Variants in SOX5 observed in about 807,000 individuals in gnomAD.
The protein encoded by SOX5 is transcription factor SOX-5.
In SOX5, 9 loss-of-function variants were observed where a neutral mutation model predicts 92.0. The ratio of observed to expected loss-of-function variants is 0.10; its 90% CI spans 0.06 to 0.17. SOX5 has a LOEUF of 0.17. Among genes scored for constraint, SOX5 ranks in the 10% least tolerant of loss-of-function variants. SOX5 has a pLI of 1.00. For synonymous variants in SOX5, 344 were observed against 336.3 expected (o/e 1.02, Z -0.25); for missense variants, 642 against 944.5 (o/e 0.68, Z 4.20).
At chr12:23,917,617 G>A (rs1039028128) in intron 1 of SOX5, among the ~76,000 whole-genome samples, 1 of 152,092 alleles carries the variant, frequency 6.6e-6, no homozygotes. Context: ...ATGGCATTTT[G>A]CTTGCTTCAA....
chr12:23,579,550 A>G (rs1949755396), intron 9 of SOX5, among the ~76,000 whole-genome samples: 1 of 152,170 alleles, frequency 6.6e-6, no homozygotes, highest in African/African-American at 2.4e-5. Context: ...CCCATTTTCT[A>G]TTAATTATTT....
At chr12:23,906,955 T>A (rs1385145091) in intron 1 of SOX5, among the ~76,000 whole-genome samples, 1 of 147,932 alleles carries the variant, frequency 6.8e-6, no homozygotes, top group Admixed American at 6.8e-5. Flanking sequence ...AAAAAAAAAA[T>A]ACTGTGTGAA....
chr12:24,090,476 A>T (rs180715472), intron 4 of SOX5, among the ~76,000 whole-genome samples: 6 of 152,302 alleles, frequency 3.9e-5, no homozygotes, highest in Admixed American at 3.3e-4. Flanking sequence ...AGTAAGTGAG[A>T]CGACAAAATT....
intron 9 of SOX5, among the ~76,000 whole-genome samples, chr12:23,591,605 C>T (rs573107920): frequency 5.3e-5 from 8 of 152,154 alleles, no homozygotes; most frequent in East Asian, 3.9e-4. Context: ...TTTAGAGAAA[C>T]GACAGTGCTA....
At position 24,428,804 on chromosome 12, in the gene SOX5, A is replaced by G. The variant is rs549576735; in HGVS notation, c.-250-60165T>C. Among the ~76,000 whole-genome samples the G allele has an allele frequency of 8.7e-5, 13 of 149,550 alleles. No homozygotes were observed. The East Asian group carries it at 2.5e-3, about 29-fold the overall frequency. On this transcript the variant is annotated intron_variant, in intron 1 of 4. Transcript: ENST00000446891. The stretch of plus-strand genomic sequence containing the variant: ...TATAGGTCTTATAAGTTCAGAAACC[A>G]TCATTCTACAACGATTTTGCAACTT...
intron 4 of SOX5, among the ~76,000 whole-genome samples, chr12:24,029,696 C>T (rs1211820637): frequency 6.6e-6 from 1 of 151,878 alleles, no homozygotes; most frequent in Non-Finnish European, 1.5e-5. Flanking sequence ...TTGATCATTG[C>T]CTTCTTATTT....
chr12:23,959,582 TTGAAAG>T (rs1946664227), intron 4 of SOX5, among the ~76,000 whole-genome samples: 3 of 151,734 alleles, frequency 2.0e-5, no homozygotes, highest in Non-Finnish European at 4.4e-5. Flanking sequence ...CACCAAAAAC[TTGAAAG>T]TGACAAAAGG....
chr12:23,573,622 A>T (rs887125307), intron 10 of SOX5, among the ~76,000 whole-genome samples: 1 of 152,208 alleles, frequency 6.6e-6, no homozygotes, highest in African/African-American at 2.4e-5. Context: ...ATGTTCAAAG[A>T]TACTTTTATA....
chr12:23,887,639 G>A (rs1460872113), intron 2 of SOX5, among the ~76,000 whole-genome samples: 2 of 152,036 alleles, frequency 1.3e-5, no homozygotes, highest in Non-Finnish European at 2.9e-5. Context: ...ATTCAAGGTG[G>A]TCACCCAGAT....
chr12:24,402,050 G>C (rs1961835572), intron 1 of SOX5, among the ~76,000 whole-genome samples: 1 of 152,160 alleles, frequency 6.6e-6, no homozygotes, highest in Non-Finnish European at 1.5e-5. Flanking sequence ...TGCCTAGAGA[G>C]AGTTCACAAT....
intron 1 of SOX5, among the ~76,000 whole-genome samples, chr12:24,554,404 T>A (rs184202157): frequency 3.9e-5 from 6 of 152,322 alleles, no homozygotes; most frequent in Non-Finnish European, 4.4e-5. Flanking sequence ...TCAGTCTTTT[T>A]AAGTAGAGAC....
intron 4 of SOX5, among the ~76,000 whole-genome samples, chr12:24,045,633 A>T (rs10083142): frequency 0.047 from 7,153 of 152,174 alleles, 220 homozygotes; most frequent in Middle Eastern, 0.092. Flanking sequence ...GGCCAATGAG[A>T]AACTGCTATG....
At chr12:24,213,434 A>AAAAAG (rs1958869500) in intron 3 of SOX5, 1 of 150,508 alleles carries the variant, frequency 6.6e-6, no homozygotes, top group Admixed American at 6.6e-5. Context: ...AAAAAAAAAA[A>AAAAAG]AAAAAGAAAA....
intron 3 of SOX5, among the ~76,000 whole-genome samples, chr12:23,832,259 T>C (rs1375015892): frequency 2.6e-5 from 4 of 152,068 alleles, no homozygotes; most frequent in Non-Finnish European, 5.9e-5. Flanking sequence ...GGAAAGTTGT[T>C]GTTCATTTAG....
At chr12:23,879,410 T>A (rs549191956) in intron 2 of SOX5, among the ~76,000 whole-genome samples, 1 of 152,266 alleles carries the variant, frequency 6.6e-6, no homozygotes, top group African/African-American at 2.4e-5. Flanking sequence ...TAAAATTAGT[T>A]CCCAAATAAT....
chr12:24,081,462 G>T (rs1470649174), intron 4 of SOX5, among the ~76,000 whole-genome samples: 2 of 151,928 alleles, frequency 1.3e-5, no homozygotes, highest in Non-Finnish European at 2.9e-5. Context: ...GCTAACAGTA[G>T]CTGTAAATGG....
chr12:23,712,540 T>G (rs946115990), intron 6 of SOX5, among the ~76,000 whole-genome samples: 3 of 152,276 alleles, frequency 2.0e-5, no homozygotes, highest in Admixed American at 6.5e-5. Flanking sequence ...CTTAATGAAC[T>G]TTTCACATGT....
At chr12:24,329,982 C>T (rs1438498749) in intron 2 of SOX5, among the ~76,000 whole-genome samples, 1 of 152,174 alleles carries the variant, frequency 6.6e-6, no homozygotes, top group Non-Finnish European at 1.5e-5. Flanking sequence ...GAGATCGTGC[C>T]ATTGCCCTCC....
intron 1 of SOX5, among the ~76,000 whole-genome samples, chr12:24,428,126 A>T (rs780649397): frequency 1.3e-5 from 2 of 152,012 alleles, no homozygotes; most frequent in Non-Finnish European, 2.9e-5. Flanking sequence ...ATTTATTGTA[A>T]GTCTCCATAT....
Sources: allele counts gnomAD v4.1 joint callset (sites outside exome capture counted in the v4.1 genomes callset), GRCh38; gene constraint gnomAD v4.1.1; transcripts MANE v1.5; gene names NCBI Gene and HGNC (gene_info 2026-07-23, HGNC 2026-07-21).